XRN1: variants seen among roughly 807,000 people sequenced by gnomAD.
XRN1 encodes the protein 5'-3' exoribonuclease 1.
XRN1 carries 67 observed loss-of-function variants against 222.3 expected under a neutral mutation model. The ratio of observed to expected loss-of-function variants is 0.30; its 90% confidence interval spans 0.25 to 0.37. The LOEUF (loss-of-function observed/expected upper bound fraction) is 0.37. XRN1 is among the 10% of genes least tolerant of loss of function. XRN1 has a pLI of 1.00. For missense variants in XRN1, 1,707 were observed against 2,000.2 expected (o/e 0.85, Z 2.80); for synonymous variants, 643 against 652.4 (o/e 0.99, Z 0.22).
chr3:142,346,587 C>A (rs2066149832), intron 33 of XRN1, among the ~76,000 whole-genome samples: 1 of 151,764 alleles, frequency 6.6e-6, no homozygotes, highest in Non-Finnish European at 1.5e-5. Context: ...CTCAAGCAAT[C>A]CTTCTACCTC....
chr3:142,345,438 C>T (rs1467181457), intron 33 of XRN1, among the ~76,000 whole-genome samples: 1 of 152,140 alleles, frequency 6.6e-6, no homozygotes, highest in Admixed American at 6.6e-5. Flanking sequence ...TAAAACTATA[C>T]AATTCTTAGA....
intron 13 of XRN1, among the ~76,000 whole-genome samples, chr3:142,416,364 G>T (rs546158317): frequency 1.5e-3 from 227 of 152,174 alleles, no homozygotes; most frequent in African/African-American, 4.6e-3. Context: ...TGTATTTTTA[G>T]TAGAGATGGG....
At chr3:142,430,145 T>C (rs948645517) in intron 2 of XRN1, among the ~76,000 whole-genome samples, 1 of 152,196 alleles carries the variant, frequency 6.6e-6, no homozygotes, top group African/African-American at 2.4e-5. Context: ...CTGAATGTGG[T>C]AATAGTTCTG....
chr3:142,311,693 G>T lies in XRN1; in HGVS notation c.4903C>A (p.Arg1635=), dbSNP rs777642609. ...TTCAAAGAAGCTGATGAGCTCTCCC[G>T]TGGACTTACTTTGACAATGTTGGAA... ...DSSNIVKVSP[R]ESSSASLKSS... The change falls in exon 41 of 41, where the codon CGG becomes AGG. Residue 1635 remains arginine (R), a synonymous_variant. Coordinates refer to ENST00000392981, the MANE Select transcript of XRN1 (RefSeq NM_001282857.2). 4.3e-6 allele frequency: 7 copies of T among 1,614,144 alleles called. No individual in the cohort carries two copies. The East Asian group carries it at 6.7e-5, about 15-fold the overall frequency.
intron 20 of XRN1, among the ~76,000 whole-genome samples, chr3:142,390,024 ACTAT>A (rs769731872): frequency 8.5e-5 from 13 of 152,238 alleles, no homozygotes; most frequent in Non-Finnish European, 1.8e-4. Context: ...AGGATCTTTT[ACTAT>A]GACCAGTAGG....
chr3:142,332,980 T>C lies in XRN1; in HGVS notation c.4049A>G (p.Gln1350Arg), dbSNP rs761851262. The C allele has an allele frequency of 1.1e-5, 18 of 1,613,468 alleles. No homozygotes were observed. The East Asian group carries it at 3.8e-4, about 34-fold the overall frequency. Residue 1350 changes from glutamine (Q) to arginine (R), a missense_variant, in exon 35 of 41, where the codon CAG becomes CGG. Transcript: ENST00000392981. The stretch of plus-strand genomic sequence containing the variant: ...CAAAATACGAACCATGGCAAATGAC[T>C]GTGGTGACAAATGCTCTTCACTTGG... ...EPPSEEHLSP[Q>R]SFAMKGTRML...
chr3:142,335,092 T>C lies in XRN1; in HGVS notation c.3939+356A>G, dbSNP rs111789977. On this transcript the variant is annotated intron_variant, in intron 34 of 40. Transcript: ENST00000392981. ...CTGACCTCAGGTGATCCGCCCACCT[T>C]GGCCTCCCAAAGTGCTAGGATTACA... Among the ~76,000 whole-genome samples the C allele has an allele frequency of 8.3e-3, 1,265 of 151,908 alleles. 19 individuals carry two copies. The highest frequency in any genetic ancestry group is 0.028 in the African/African-American group (1,157 of 41,464).
At chr3:142,419,820 A>G (rs1160240612) in intron 10 of XRN1, among the ~76,000 whole-genome samples, 1 of 152,124 alleles carries the variant, frequency 6.6e-6, no homozygotes, top group Admixed American at 6.5e-5. Flanking sequence ...AAAAAAAAAA[A>G]AAGAAACTCA....
intron 30 of XRN1, among the ~76,000 whole-genome samples, chr3:142,358,402 CTTA>C (rs2066522135): frequency 6.6e-6 from 1 of 151,920 alleles, no homozygotes; most frequent in African/African-American, 2.4e-5. Flanking sequence ...GTATAATTTT[CTTA>C]TATTGAAAGA....
At chr3:142,361,963 CTTTTTTTTTTTT>C (rs71153961) in intron 29 of XRN1, among the ~76,000 whole-genome samples, 3 of 51,680 alleles carry the variant, frequency 5.8e-5, no homozygotes, top group East Asian at 6.6e-4. Context: ...CTTTTTCTCT[CTTTTTTTTTTTT>C]TTTTTTTTTT....
intron 33 of XRN1, among the ~76,000 whole-genome samples, chr3:142,345,334 TG>T (rs2066113957): frequency 6.6e-6 from 1 of 152,166 alleles, no homozygotes; most frequent in African/African-American, 2.4e-5. Flanking sequence ...TTTGGATAAA[TG>T]GATATCCACA....
Position 142,359,943 on chromosome 3 carries a change from G to A in XRN1, c.3395-12C>T, listed in dbSNP as rs1168798604. 2 of 1,569,730 alleles carry A rather than the reference G, an allele frequency of 1.3e-6. No homozygotes were observed. Among genetic ancestry groups the A allele is most frequent in the Non-Finnish European group, 1.7e-6 (2 of 1,156,364 alleles). On this transcript the variant is annotated splice_polypyrimidine_tract_variant and intron_variant, in intron 29 of 40. Coordinates refer to ENST00000392981, the MANE Select transcript of XRN1 (RefSeq NM_001282857.2). ...GGCTTCTCTATTAGCTGTTACAATA[G>A]GGAGAGAAAAAGAGACACTAAAAAA...
At chr3:142,429,033 A>G (rs972283935) in intron 2 of XRN1, among the ~76,000 whole-genome samples, 3 of 152,182 alleles carry the variant, frequency 2.0e-5, no homozygotes, top group Non-Finnish European at 4.4e-5. Context: ...ATGTGGTTAC[A>G]TGATGGTCAA....
chr3:142,406,741 TG>T (rs966451514), intron 15 of XRN1, among the ~76,000 whole-genome samples: 1 of 151,566 alleles, frequency 6.6e-6, no homozygotes, highest in Non-Finnish European at 1.5e-5. Flanking sequence ...TTGCCCAGGG[TG>T]GGCTTGAACT....
chr3:142,403,565 C>A (rs2068226805), intron 18 of XRN1, 109 bp downstream of exon 18: 3 of 966,664 alleles, frequency 3.1e-6, no homozygotes, highest in Non-Finnish European at 4.7e-6. Context: ...TATTTAGGCT[C>A]CAAATTTCTA....
In XRN1 at chr3:142,403,833, T is replaced by C. The variant is rs1204078508; in HGVS notation, c.2004+36A>G. The C allele has an allele frequency of 3.7e-6, 6 of 1,611,690 alleles. No homozygotes were observed. The South Asian group carries it at 6.6e-5, about 18-fold the overall frequency. On this transcript the variant is annotated intron_variant, in intron 17 of 40. Transcript: ENST00000392981. ...TTCTCCATAATCACTTCACACTTAATAAAGTGAAAAAATTCTGAACTAAAT... is the reference window on the plus strand; with the variant it reads ...TTCTCCATAATCACTTCACACTTAACAAAGTGAAAAAATTCTGAACTAAAT...
At chr3:142,341,112 A>G (rs926906174) in intron 33 of XRN1, among the ~76,000 whole-genome samples, 1 of 152,184 alleles carries the variant, frequency 6.6e-6, no homozygotes, top group African/African-American at 2.4e-5. Flanking sequence ...AGACAATACA[A>G]TAAGATATAA....
chr3:142,374,962 T>C (rs534377717), intron 25 of XRN1, among the ~76,000 whole-genome samples: 5 of 152,092 alleles, frequency 3.3e-5, no homozygotes, highest in Admixed American at 6.6e-5. Flanking sequence ...TGAAAGATGA[T>C]GTGAGACACC....
intron 32 of XRN1, among the ~76,000 whole-genome samples, chr3:142,348,177 T>C (rs1366603361): frequency 1.3e-5 from 2 of 152,138 alleles, no homozygotes; most frequent in African/African-American, 4.8e-5. Flanking sequence ...GATGTCATTA[T>C]GGTTAAACTT....
Sources: gnomAD v4.1 joint callset for allele counts (sites outside exome capture counted in the v4.1 genomes callset) on GRCh38, gnomAD v4.1.1 for gene constraint, MANE v1.5 for transcripts, NCBI Gene and HGNC (gene_info 2026-07-23, HGNC 2026-07-21) for gene names.